The following RNLS variants were observed in gnomAD, a reference collection of about 807,000 sequenced individuals.
RNLS encodes renalase.
Under a neutral mutation model 39.8 loss-of-function variants are expected in RNLS, and 39 were observed. The observed-to-expected ratio is 0.98, with a 90% confidence interval of 0.76 to 1.28. The LOEUF is 1.28. RNLS is among the 50% of genes most tolerant of loss of function. The pLI, the probability that RNLS is intolerant of heterozygous loss-of-function variation, is 0.00. For synonymous variants in RNLS, 147 were observed against 150.7 expected (o/e 0.98, Z 0.18); for missense variants, 410 against 413.3 (o/e 0.99, Z 0.07).
the RNLS span, among the ~76,000 whole-genome samples, chr10:88,226,017 GAC>G: frequency 6.6e-6 from 1 of 152,022 alleles, no homozygotes; most frequent in Non-Finnish European, 1.5e-5. Context: ...CAATGAAAGA[GAC>G]AGAAAATTTG....
At chr10:88,216,140 T>G in the RNLS span, among the ~76,000 whole-genome samples, 26 of 152,306 alleles carry the variant, frequency 1.7e-4, 1 homozygote, top group South Asian at 4.6e-3. Context: ...GCAGATAAAA[T>G]AGAAATGAAT....
At chr10:88,314,268 A>G (rs1845590238) in intron 6 of RNLS, among the ~76,000 whole-genome samples, 198 bp downstream of exon 6, 1 of 152,178 alleles carries the variant, frequency 6.6e-6, no homozygotes, top group Non-Finnish European at 1.5e-5. Context: ...TGGAAATTCT[A>G]TGCACTTCTT....
chr10:88,372,517 T>C (rs1850647394), intron 4 of RNLS, among the ~76,000 whole-genome samples: 1 of 152,152 alleles, frequency 6.6e-6, no homozygotes, highest in Non-Finnish European at 1.5e-5. Context: ...CCGGAGGTCC[T>C]GTGAAACCGA....
At chr10:88,556,117 C>T (rs1848861514) in intron 4 of RNLS, among the ~76,000 whole-genome samples, 1 of 152,170 alleles carries the variant, frequency 6.6e-6, no homozygotes, top group African/African-American at 2.4e-5. Context: ...AAACCTACTT[C>T]TCCCTCAGTT....
intron 6 of RNLS, among the ~76,000 whole-genome samples, chr10:88,313,082 C>T (rs887665796): frequency 6.6e-6 from 1 of 152,150 alleles, no homozygotes; most frequent in African/African-American, 2.4e-5. Flanking sequence ...TTTGGAGGTA[C>T]ATTGTGTTCA....
At chr10:88,438,482 C>A (rs1004867323) in intron 4 of RNLS, among the ~76,000 whole-genome samples, 13 of 152,156 alleles carry the variant, frequency 8.5e-5, no homozygotes, top group African/African-American at 3.1e-4. Flanking sequence ...CATTTTTTGA[C>A]TGCCCAGCAT....
chr10:88,291,243 T>C (rs1385291257), intron 6 of RNLS, among the ~76,000 whole-genome samples: 3 of 152,224 alleles, frequency 2.0e-5, no homozygotes, highest in Admixed American at 6.5e-5. Flanking sequence ...AGTAGCATTG[T>C]TGCTGTTAGG....
intron 4 of RNLS, among the ~76,000 whole-genome samples, chr10:88,509,432 G>GAAA (rs1845966878): frequency 8.3e-6 from 1 of 121,148 alleles, no homozygotes; most frequent in African/African-American, 2.9e-5. Context: ...GTGGAAGAAA[G>GAAA]GAAATAAGAG....
At chr10:88,452,710 T>C (rs1361749) in intron 4 of RNLS, among the ~76,000 whole-genome samples, 150,871 of 152,246 alleles carry the variant, frequency 0.99, 74,762 homozygotes, top group East Asian at 1. Flanking sequence ...CACCCCGTCA[T>C]GTCATGTTGC....
intron 4 of RNLS, among the ~76,000 whole-genome samples, chr10:88,370,880 G>T (rs1459731603): frequency 1.3e-5 from 2 of 152,146 alleles, no homozygotes; most frequent in African/African-American, 4.8e-5. Context: ...TAAATTGAAT[G>T]TTAACTTGGA....
In RNLS at chr10:88,314,431, ATTG is replaced by A. The variant is rs769267411; in HGVS notation, c.876+32_876+34del. On this transcript the variant is annotated intron_variant, in intron 6 of 6. Coordinates refer to ENST00000331772, the MANE Select transcript of RNLS (RefSeq NM_001031709.3). The stretch of plus-strand genomic sequence containing the variant: ...TCAGTTCTGTGAGCCTGTTAAGAAA[ATTG>A]TTGTGCTTAGACCACTGGATTCTTT... 1.2e-5 allele frequency: 20 copies of A among 1,604,844 alleles called. No homozygotes were observed. In the African/African-American group the frequency reaches 2.1e-4, roughly 17 times the overall value.
chr10:88,356,858 A>G (rs1849232041), intron 5 of RNLS, among the ~76,000 whole-genome samples: 1 of 151,716 alleles, frequency 6.6e-6, no homozygotes, highest in Non-Finnish European at 1.5e-5. Flanking sequence ...TAGAATTCAG[A>G]TAGATTGTCT....
chr10:88,178,938 G>A, the RNLS span, among the ~76,000 whole-genome samples: 2 of 152,130 alleles, frequency 1.3e-5, no homozygotes, highest in African/African-American at 2.4e-5. Context: ...CACTCACTGA[G>A]CAAATATTTA....
chr10:88,422,023 T>C (rs1333562338), intron 4 of RNLS, among the ~76,000 whole-genome samples: 1 of 152,212 alleles, frequency 6.6e-6, no homozygotes, highest in East Asian at 1.9e-4. Flanking sequence ...CAAGGTTGTG[T>C]TGGTTTTTTA....
chr10:88,278,908 GTTAA>G (rs1169333554), intron 6 of RNLS, among the ~76,000 whole-genome samples: 2 of 152,186 alleles, frequency 1.3e-5, no homozygotes, highest in Non-Finnish European at 2.9e-5. Flanking sequence ...AATAAAAAAA[GTTAA>G]TTAGTTAAGT....
chr10:88,187,114 C>T, the RNLS span, among the ~76,000 whole-genome samples: 2 of 140,938 alleles, frequency 1.4e-5, no homozygotes, highest in African/African-American at 2.6e-5. Flanking sequence ...GGTTGAGAAA[C>T]GCTGGCATCT....
intron 4 of RNLS, among the ~76,000 whole-genome samples, chr10:88,493,192 A>G (rs1303103783): frequency 2.6e-5 from 4 of 152,158 alleles, no homozygotes; most frequent in Admixed American, 2.0e-4. Flanking sequence ...AATCTGGTGC[A>G]TATTTAAAAT....
intron 5 of RNLS, among the ~76,000 whole-genome samples, chr10:88,351,083 T>C (rs969627700): frequency 6.6e-6 from 1 of 151,776 alleles, no homozygotes; most frequent in Admixed American, 6.6e-5. Context: ...GGGGTTGTTT[T>C]TTTTCTTGTA....
chr10:88,575,124 G>GTATATATATATATA (rs1174268534), intron 3 of RNLS, among the ~76,000 whole-genome samples: 3 of 98,902 alleles, frequency 3.0e-5, no homozygotes, highest in Admixed American at 1.2e-4. Flanking sequence ...GTTCTGCAAA[G>GTATATATATATATA]TATATATATA....
Sources: allele counts gnomAD v4.1 joint callset (sites outside exome capture counted in the v4.1 genomes callset), GRCh38; gene constraint gnomAD v4.1.1; transcripts MANE v1.5; gene names NCBI Gene and HGNC (gene_info 2026-07-23, HGNC 2026-07-21).